Variants in IMPG1 observed in about 807,000 individuals in gnomAD.
IMPG1 encodes the protein interphotoreceptor matrix proteoglycan of 150 kDa.
Under a neutral mutation model 92.0 loss-of-function variants are expected in IMPG1, and 85 were observed. That is an observed-to-expected ratio of 0.92 (90% confidence interval 0.78 to 1.11). The LOEUF is 1.11. Ranked by LOEUF, IMPG1 falls within the 50% of genes least tolerant of loss-of-function variation. The pLI, the probability that IMPG1 is intolerant of heterozygous loss-of-function variation, is 0.00. For missense variants in IMPG1, 1,022 were observed against 956.0 expected (o/e 1.07, Z -0.91); for synonymous variants, 367 against 334.1 (o/e 1.10, Z -1.08).
chr6:76,033,429 T>C (rs902878243), intron 4 of IMPG1, among the ~76,000 whole-genome samples: 1 of 152,218 alleles, frequency 6.6e-6, no homozygotes, highest in Non-Finnish European at 1.5e-5. Flanking sequence ...GATGTAGGAA[T>C]CTTTTGAAAG....
intron 1 of IMPG1, among the ~76,000 whole-genome samples, chr6:76,062,523 T>A (rs1043398485): frequency 2.0e-5 from 3 of 152,192 alleles, no homozygotes; most frequent in African/African-American, 7.2e-5. Flanking sequence ...CTGGCATAGG[T>A]TGTGTTTGGA....
intron 12 of IMPG1, among the ~76,000 whole-genome samples, chr6:75,954,469 T>C (rs868079508): frequency 1.3e-5 from 2 of 152,342 alleles, no homozygotes; most frequent in South Asian, 2.1e-4. Flanking sequence ...TGTTTGTTTT[T>C]TCCTTGTAAA....
intron 12 of IMPG1, among the ~76,000 whole-genome samples, chr6:76,000,068 G>C (rs1046720900): frequency 3.9e-5 from 6 of 152,300 alleles, no homozygotes; most frequent in Admixed American, 6.5e-5. Flanking sequence ...GAATTCAGCA[G>C]ATAAATTTTT....
At chr6:76,052,068 A>G (rs1047269816) in intron 1 of IMPG1, among the ~76,000 whole-genome samples, 6 of 152,162 alleles carry the variant, frequency 3.9e-5, no homozygotes, top group Admixed American at 2.6e-4. Context: ...CTGAGGGCCT[A>G]TGCAGTGTAG....
At chr6:76,045,024 C>T (rs80050882) in intron 1 of IMPG1, among the ~76,000 whole-genome samples, 2,485 of 152,272 alleles carry the variant, frequency 0.016, 71 homozygotes, top group African/African-American at 0.055. Context: ...TCCCTATTCT[C>T]CACATGTCAG....
intron 1 of IMPG1, among the ~76,000 whole-genome samples, chr6:76,060,346 G>A (rs1423387387): frequency 1.3e-5 from 2 of 152,182 alleles, no homozygotes. Context: ...CTGGAAGAGA[G>A]GAGCAATAGA....
chr6:76,054,657 G>A (rs990050140), intron 1 of IMPG1, among the ~76,000 whole-genome samples: 1 of 152,034 alleles, frequency 6.6e-6, no homozygotes, highest in African/African-American at 2.4e-5. Flanking sequence ...TCTGGGAGAT[G>A]GGTGAGATTT....
intron 12 of IMPG1, among the ~76,000 whole-genome samples, chr6:75,996,811 C>G (rs1180088032): frequency 1.3e-5 from 2 of 152,148 alleles, no homozygotes; most frequent in Non-Finnish European, 2.9e-5. Context: ...AGTTGATCTA[C>G]TCATAGAAAT....
chr6:75,971,869 C>T (rs1272488226), intron 12 of IMPG1, among the ~76,000 whole-genome samples: 1 of 152,130 alleles, frequency 6.6e-6, no homozygotes, highest in Non-Finnish European at 1.5e-5. Context: ...TACTGACCAG[C>T]TTTGTATCTA....
intron 12 of IMPG1, among the ~76,000 whole-genome samples, chr6:75,998,366 C>CATT (rs1481373371): frequency 6.6e-6 from 1 of 152,200 alleles, no homozygotes; most frequent in Non-Finnish European, 1.5e-5. Flanking sequence ...CCACATGGAA[C>CATT]ATTAGCAGCT....
At chr6:76,041,813 G>A (rs1783847017) in intron 2 of IMPG1, 80 bp downstream of exon 2, 1 of 912,644 alleles carries the variant, frequency 1.1e-6, no homozygotes, top group Admixed American at 2.1e-5. Flanking sequence ...GGAAGTTTTA[G>A]GCTAAAGACA....
intron 12 of IMPG1, among the ~76,000 whole-genome samples, chr6:75,995,918 A>G (rs1014593621): frequency 3.3e-5 from 5 of 152,266 alleles, no homozygotes; most frequent in South Asian, 2.1e-4. Context: ...CATGACAGGC[A>G]TAAAGTATAT....
At chr6:75,946,446 C>T (rs1781930945) in intron 14 of IMPG1, among the ~76,000 whole-genome samples, 2 of 152,274 alleles carry the variant, frequency 1.3e-5, no homozygotes, top group Admixed American at 6.5e-5. Context: ...AATTAGGAAG[C>T]TTTGTTTTGA....
At position 75,962,026 on chromosome 6, in the gene IMPG1, A is replaced by C. The variant is rs369439504; in HGVS notation, c.1292-10932T>G. On this transcript the variant is annotated intron_variant, in intron 12 of 16. Transcript: ENST00000369950. ...CACAGTTACCCAGGTGTAAAATGCA[A>C]CCAGTTAAAAACTGGATTCATCTCA... Among the ~76,000 whole-genome samples, 15 of 152,304 alleles carry C rather than the reference A, an allele frequency of 9.8e-5. No individual in the cohort carries two copies. The East Asian group carries it at 1.9e-3, about 20-fold the overall frequency.
chr6:76,065,168 C>G (rs1335813868), intron 1 of IMPG1, among the ~76,000 whole-genome samples: 3 of 152,026 alleles, frequency 2.0e-5, no homozygotes, highest in Admixed American at 1.3e-4. Context: ...CTGTGAAACT[C>G]TGGTGAAAAA....
rs554220040 is a variant in IMPG1, at chr6:75,947,098, G to T, written c.2044+216C>A. Among the ~76,000 whole-genome samples, 37 of 152,212 alleles carry T rather than the reference G, an allele frequency of 2.4e-4. 1 individual carries two copies. Among genetic ancestry groups the T allele is most frequent in the Middle Eastern group, 6.8e-3 (2 of 294 alleles). ...AGATTGTGCAACAAGAGGTGTGCTT[G>T]TTCATTGCTTTTTGATACAGGAAAA... On this transcript the variant is annotated intron_variant, in intron 14 of 16. Transcript: ENST00000369950.
intron 12 of IMPG1, among the ~76,000 whole-genome samples, chr6:75,982,641 A>G (rs1223401127): frequency 6.6e-6 from 1 of 151,166 alleles, no homozygotes; most frequent in African/African-American, 2.4e-5. Flanking sequence ...ATGTGTGTGT[A>G]TATATATATT....
intron 12 of IMPG1, among the ~76,000 whole-genome samples, chr6:75,970,887 A>G (rs183629288): frequency 5.2e-4 from 79 of 152,342 alleles, no homozygotes; most frequent in African/African-American, 1.8e-3. Context: ...AAACTAGTTC[A>G]ACCATTGTGG....
At chr6:75,923,212 C>T (rs998984438) in intron 16 of IMPG1, among the ~76,000 whole-genome samples, 1 of 152,002 alleles carries the variant, frequency 6.6e-6, no homozygotes, top group Non-Finnish European at 1.5e-5. Flanking sequence ...TTTGAAGTTA[C>T]TCATTGTTCA....
Sources: allele counts gnomAD v4.1 joint callset (sites outside exome capture counted in the v4.1 genomes callset), GRCh38; gene constraint gnomAD v4.1.1; transcripts MANE v1.5; gene names NCBI Gene and HGNC (gene_info 2026-07-23, HGNC 2026-07-21).